The following SLC9B1 variants were observed in gnomAD, a reference collection of about 807,000 sequenced individuals.
SLC9B1 encodes solute carrier family 9 member B1, also known as sodium/hydrogen exchanger 9B1.
A neutral mutation model predicts 51.7 loss-of-function variants in SLC9B1; 32 were observed. The observed-to-expected ratio is 0.62, with a 90% CI of 0.47 to 0.83. The LOEUF is 0.83. SLC9B1 is among the 40% of genes least tolerant of loss of function. The probability of loss-of-function intolerance (pLI) is 0.00; values close to 1 mark genes in which losing one functional copy is unlikely to be tolerated. For synonymous variants in SLC9B1, 145 were observed against 212.7 expected (o/e 0.68, Z 2.77); for missense variants, 406 against 613.2 (o/e 0.66, Z 3.57).
chr4:102,986,256 T>TG (rs1046889882), intron 3 of SLC9B1, among the ~76,000 whole-genome samples: 21 of 100,284 alleles, frequency 2.1e-4, no homozygotes, highest in East Asian at 2.0e-3. Context: ...CTGGTGTTGT[T>TG]TTTTTTTTTT....
At chr4:102,986,051 G>A (rs943045237) in intron 3 of SLC9B1, among the ~76,000 whole-genome samples, 2 of 151,726 alleles carry the variant, frequency 1.3e-5, no homozygotes, top group Non-Finnish European at 2.9e-5. Context: ...ATTTCCTTTC[G>A]AATATTCTTC....
chr4:102,933,809 T>C (rs1300505358), intron 6 of SLC9B1, among the ~76,000 whole-genome samples: 2 of 152,224 alleles, frequency 1.3e-5, no homozygotes, highest in African/African-American at 4.8e-5. Context: ...AGATAGTCTA[T>C]ACTTTTATAA....
rs527826778 is a variant in SLC9B1, at chr4:102,990,559, A to G, written c.70-618T>C. On this transcript the variant is annotated intron_variant, in intron 2 of 11. Coordinates refer to ENST00000296422, the MANE Select transcript of SLC9B1 (RefSeq NM_139173.4). ...TGAGAATATTGAGAAACTTCTTCCA[A>G]TGTAAAAAACAAAACATAAACAATG... Among the ~76,000 whole-genome samples the G allele has an allele frequency of 6.6e-5, 10 of 150,870 alleles. No individual in the cohort carries two copies. In the South Asian group the frequency reaches 2.1e-3, roughly 32 times the overall value.
intron 9 of SLC9B1, among the ~76,000 whole-genome samples, chr4:102,909,173 T>C (rs1488537468): frequency 6.6e-6 from 1 of 152,046 alleles, no homozygotes; most frequent in Non-Finnish European, 1.5e-5. Flanking sequence ...AAAACACAGA[T>C]CATTTCCAGC....
chr4:102,897,081 A>T (rs1020203592), downstream of SLC9B1: 2 of 155,016 alleles, frequency 1.3e-5, no homozygotes, highest in African/African-American at 4.8e-5. Context: ...AGATGCGCAG[A>T]TGAGATGAAC....
intron 11 of SLC9B1, among the ~76,000 whole-genome samples, chr4:102,904,223 A>G (rs1734919340): frequency 6.6e-6 from 1 of 151,454 alleles, no homozygotes; most frequent in Admixed American, 6.6e-5. Context: ...ACACCTGACT[A>G]ATTTTTTTGT....
At chr4:102,950,170 G>A (rs1252976539) in intron 3 of SLC9B1, among the ~76,000 whole-genome samples, 1 of 152,158 alleles carries the variant, frequency 6.6e-6, no homozygotes, top group African/African-American at 2.4e-5. Flanking sequence ...CAGTGTCAAG[G>A]TGCCAAATCT....
chr4:102,916,895 A>G (rs1012089576), intron 7 of SLC9B1, among the ~76,000 whole-genome samples: 4 of 152,232 alleles, frequency 2.6e-5, no homozygotes, highest in African/African-American at 9.6e-5. Flanking sequence ...TGCCTGATGA[A>G]GCACTGAGTG....
chr4:103,017,704 GT>G (rs1415672625), intron 1 of SLC9B1, among the ~76,000 whole-genome samples: 2 of 29,970 alleles, frequency 6.7e-5, no homozygotes, highest in Non-Finnish European at 1.1e-4. Context: ...GACCTTTACA[GT>G]TTTACTTCTT....
At chr4:102,893,618 TG>T (rs1734385509) in intron 11 of SLC9B1, among the ~76,000 whole-genome samples, 1 of 152,116 alleles carries the variant, frequency 6.6e-6, no homozygotes, top group Non-Finnish European at 1.5e-5. Context: ...TATGAAAACC[TG>T]ATAAACATAA....
At chr4:102,987,955 T>A (rs898198116) in intron 3 of SLC9B1, among the ~76,000 whole-genome samples, 4 of 152,170 alleles carry the variant, frequency 2.6e-5, no homozygotes, top group African/African-American at 9.6e-5. Flanking sequence ...TTTATTTGTT[T>A]TTAGGACAGA....
intron 1 of SLC9B1, chr4:103,016,863 GC>G (rs1479118210): frequency 6.6e-6 from 1 of 152,118 alleles, no homozygotes; most frequent in Non-Finnish European, 1.5e-5. Flanking sequence ...ACTAGTCACT[GC>G]AATGTTATCG....
At chr4:102,982,613 T>C (rs562518502) in intron 3 of SLC9B1, among the ~76,000 whole-genome samples, 123 of 152,116 alleles carry the variant, frequency 8.1e-4, no homozygotes, top group Non-Finnish European at 1.4e-3. Context: ...ATATTTTTGT[T>C]AGACATATAT....
chr4:103,008,672 C>T (rs2086499), intron 1 of SLC9B1, among the ~76,000 whole-genome samples: 80,897 of 149,828 alleles, frequency 0.54, 21,969 homozygotes, highest in African/African-American at 0.67. Context: ...CATGAGACAT[C>T]GCACCTGACC....
intron 7 of SLC9B1, among the ~76,000 whole-genome samples, chr4:102,913,796 T>TAAAAAAAAAAAAAAAAAAAAAGAAAAA (rs1735459749): frequency 1.4e-5 from 1 of 71,444 alleles, no homozygotes; most frequent in Non-Finnish European, 2.8e-5. Flanking sequence ...AGATAGAAAC[T>TAAAAAAAAAAAAAAAAAAAAAGAAAAA]AAAAAAAAAA....
chr4:102,971,034 T>C (rs1738732417), intron 3 of SLC9B1, among the ~76,000 whole-genome samples: 1 of 152,110 alleles, frequency 6.6e-6, no homozygotes, highest in Non-Finnish European at 1.5e-5. Context: ...CACACAATAA[T>C]AATGAGAGAC....
intron 7 of SLC9B1, among the ~76,000 whole-genome samples, chr4:102,912,923 G>A (rs1466798454): frequency 2.0e-5 from 3 of 152,080 alleles, no homozygotes; most frequent in Non-Finnish European, 4.4e-5. Flanking sequence ...GGTGGAATGG[G>A]GAGCTCCAAA....
chr4:102,898,410 A>T (rs1734634956), downstream of SLC9B1, among the ~76,000 whole-genome samples: 2 of 152,254 alleles, frequency 1.3e-5, no homozygotes, highest in Admixed American at 1.3e-4. Context: ...ATGCAATGAT[A>T]GTCCTAGATT....
intron 5 of SLC9B1, 24 bp downstream of exon 5, chr4:102,946,623 C>T (rs771124978): frequency 6.3e-7 from 1 of 1,595,020 alleles, no homozygotes; most frequent in South Asian, 1.2e-5. Context: ...AATAACCTTA[C>T]TCGATTTGTA....
Sources: allele counts gnomAD v4.1 joint callset (sites outside exome capture counted in the v4.1 genomes callset), GRCh38; gene constraint gnomAD v4.1.1; transcripts MANE v1.5; gene names NCBI Gene and HGNC (gene_info 2026-07-23, HGNC 2026-07-21).